TMED3: variants seen among roughly 807,000 people sequenced by gnomAD.
TMED3 encodes transmembrane emp24 domain-containing protein 3.
A neutral mutation model predicts 15.0 loss-of-function variants in TMED3; 9 were observed. The observed-to-expected ratio is 0.60, with a 90% CI of 0.36 to 1.04. TMED3 has a LOEUF of 1.04. Among genes scored for constraint, TMED3 ranks in the 50% least tolerant of loss-of-function variants. The pLI, the probability that TMED3 is intolerant of heterozygous loss-of-function variation, is 0.01. For missense variants in TMED3, 267 were observed against 278.9 expected, an observed-to-expected ratio of 0.96 and a Z score of 0.30; for synonymous variants, 117 against 121.4, an observed-to-expected ratio of 0.96 and a Z score of 0.24.
At chr15:79,406,863 A>G (rs1027914042) in intron 2 of TMED3, among the ~76,000 whole-genome samples, 5 of 152,184 alleles carry the variant, frequency 3.3e-5, no homozygotes, top group Non-Finnish European at 7.3e-5. Context: ...TCTCTGACCA[A>G]AGGGATTCTT....
exon 3 of TMED3, chr15:79,413,520 C>G (rs1894022370): frequency 6.6e-6 from 1 of 152,248 alleles, no homozygotes; most frequent in Admixed American, 6.5e-5. Context: ...TTAAAATACA[C>G]ACATGGTGAG....
exon 3 of TMED3, chr15:79,413,086 A>G (rs563872418): frequency 5.9e-5 from 9 of 152,386 alleles, no homozygotes; most frequent in African/African-American, 1.9e-4. Flanking sequence ...CAGCAACTTC[A>G]AAGACTGAAG....
Position 79,318,354 on chromosome 15 carries a change from G to A in TMED3, c.418-3624G>A, listed in dbSNP as rs541320833. On this transcript the variant is annotated intron_variant, in intron 2 of 2. Transcript: ENST00000299705. ...TCTGATTCTTAATTCCCTGGGCCTA[G>A]CACAGTGCCTGGAAGGAAAGTAAGC... 3.3e-5 allele frequency among the ~76,000 whole-genome samples: 5 copies of A among 152,310 alleles called. No homozygotes were observed. The South Asian group carries it at 1.0e-3, about 32-fold the overall frequency.
At chr15:79,342,996 CAT>C (rs1276855612) in intron 2 of TMED3, among the ~76,000 whole-genome samples, 3 of 152,066 alleles carry the variant, frequency 2.0e-5, no homozygotes, top group Admixed American at 2.0e-4. Context: ...AGGAAGGTCT[CAT>C]CGATGAGATT....
intron 2 of TMED3, among the ~76,000 whole-genome samples, chr15:79,330,808 C>T (rs1024323331): frequency 6.6e-6 from 1 of 152,132 alleles, no homozygotes; most frequent in African/African-American, 2.4e-5. Context: ...GTAACCAAAA[C>T]AGCATGGTAC....
intron 2 of TMED3, among the ~76,000 whole-genome samples, chr15:79,382,468 G>A (rs1893551690): frequency 6.6e-6 from 1 of 152,214 alleles, no homozygotes; most frequent in Non-Finnish European, 1.5e-5. Flanking sequence ...ATACCCACAT[G>A]AGCCCAATGC....
At chr15:79,413,644 A>C (rs1894025609) in exon 3 of TMED3, 1 of 152,252 alleles carries the variant, frequency 6.6e-6, no homozygotes, top group South Asian at 2.1e-4. Flanking sequence ...CTGGGAGGAT[A>C]CAGGAATGAG....
At chr15:79,374,649 A>G (rs1475411885) in intron 2 of TMED3, among the ~76,000 whole-genome samples, 2 of 152,204 alleles carry the variant, frequency 1.3e-5, no homozygotes, top group South Asian at 2.1e-4. Context: ...CCCATCCCCA[A>G]TGTCTCTCTG....
chr15:79,355,166 A>G (rs1369886160), intron 2 of TMED3, among the ~76,000 whole-genome samples: 1 of 152,124 alleles, frequency 6.6e-6, no homozygotes, highest in African/African-American at 2.4e-5. Context: ...CCAATTCACC[A>G]ATTAAGTAAC....
intron 2 of TMED3, among the ~76,000 whole-genome samples, chr15:79,332,327 A>G (rs1040194193): frequency 6.6e-6 from 1 of 152,256 alleles, no homozygotes; most frequent in African/African-American, 2.4e-5. Context: ...CAAGGGAGAC[A>G]ATCCTGTACA....
At chr15:79,349,276 C>A (rs2058882606) in intron 2 of TMED3, among the ~76,000 whole-genome samples, 1 of 152,138 alleles carries the variant, frequency 6.6e-6, no homozygotes, top group Non-Finnish European at 1.5e-5. Flanking sequence ...AATTATTCCA[C>A]AATGCTTATA....
rs572971060 is a variant in TMED3, at chr15:79,393,721, G to T, written c.418-17679G>T. On this transcript the variant is annotated intron_variant, in intron 2 of 2. Coordinates refer to the TMED3 transcript ENST00000424155. ...TTTAAAATTTTGTTTTTTATGACAG[G>T]GTCTTACTATGTTGCCCAGGCTGGA... Among the ~76,000 whole-genome samples the T allele has an allele frequency of 3.9e-5, 6 of 152,164 alleles. No homozygotes were observed. In the East Asian group the frequency reaches 1.2e-3, roughly 29 times the overall value.
chr15:79,381,257 C>T (rs1486115913), intron 2 of TMED3, among the ~76,000 whole-genome samples: 1 of 152,152 alleles, frequency 6.6e-6, no homozygotes, highest in Non-Finnish European at 1.5e-5. Context: ...GAAAGAAACC[C>T]AGTTAAGTCT....
In TMED3 at chr15:79,321,993, G is replaced by A. The variant is rs778656703; in HGVS notation, c.433G>A (p.Val145Met). 1.1e-5 allele frequency: 18 copies of A among 1,614,160 alleles called. No homozygotes were observed. Among genetic ancestry groups the A allele is most frequent in the South Asian group, 5.5e-5 (5 of 91,064 alleles). ...TALTQMESAC[V>M]TIHEALKTVI... ...TCCTGCCCAGATGGAGTCCGCCTGC[G>A]TGACCATCCATGAGGCTCTGAAAAC... Residue 145 changes from valine to methionine, a missense_variant, in exon 3 of 3, where the codon GTG becomes ATG. Physicochemically the swap from Val to Met is conservative, Grantham distance 21 (BLOSUM62 1). Around this residue, in one of 3 missense-constraint regions of TMED3, gnomAD observed 139 missense variants for 125.0 expected, o/e 1.11. Coordinates refer to ENST00000299705, the MANE Select transcript of TMED3 (RefSeq NM_007364.4).
intron 2 of TMED3, among the ~76,000 whole-genome samples, chr15:79,379,790 C>T (rs1053139580): frequency 1.8e-4 from 28 of 152,222 alleles, no homozygotes; most frequent in African/African-American, 6.5e-4. Flanking sequence ...ATGAATCAGT[C>T]TGACAGCTAG....
intron 2 of TMED3, among the ~76,000 whole-genome samples, chr15:79,381,600 C>G (rs1442242868): frequency 2.0e-5 from 3 of 152,164 alleles, no homozygotes; most frequent in African/African-American, 7.2e-5. Context: ...CAGTGGTGCC[C>G]AGGCTGAGAG....
chr15:79,382,476 T>C (rs2141250126), intron 2 of TMED3, among the ~76,000 whole-genome samples: 1 of 152,356 alleles, frequency 6.6e-6, no homozygotes. Context: ...ATGAGCCCAA[T>C]GCCAGAATGC....
At chr15:79,385,168 A>G (rs1431113898) in intron 2 of TMED3, among the ~76,000 whole-genome samples, 3 of 152,158 alleles carry the variant, frequency 2.0e-5, no homozygotes, top group Non-Finnish European at 2.9e-5. Context: ...GTGAGCCCAC[A>G]CCACCAGGCC....
rs12901419 is a variant in TMED3 at position 79,344,534 on chromosome 15, G to T, written c.417+30529G>T. ...ACTCCATTTCACATGGTGGTTTCTT[G>T]GTCTCTCTCTCTTTTCTCTTATAAG... On this transcript the variant is annotated intron_variant, in intron 2 of 2. Coordinates refer to the TMED3 transcript ENST00000424155. Among the ~76,000 whole-genome samples, 1,146 of 152,072 alleles carry T rather than the reference G, an allele frequency of 7.5e-3. 8 individuals carry two copies. The highest frequency in any genetic ancestry group is 0.012 in the Non-Finnish European group (801 of 67,966).
Sources: allele counts gnomAD v4.1 joint callset (sites outside exome capture counted in the v4.1 genomes callset), GRCh38; gene constraint gnomAD v4.1.1; regional missense constraint gnomAD v4.1.1; transcripts MANE v1.5; gene names NCBI Gene and HGNC (gene_info 2026-07-23, HGNC 2026-07-21).